Variants in EFCAB5 observed in about 807,000 individuals in gnomAD.
The protein encoded by EFCAB5 is EF-hand calcium-binding domain-containing protein 5.
Under a neutral mutation model 167.9 loss-of-function variants are expected in EFCAB5, and 131 were observed. The ratio of observed to expected loss-of-function variants is 0.78; its 90% CI spans 0.68 to 0.90. The LOEUF (loss-of-function observed/expected upper bound fraction) is 0.90. EFCAB5 is among the 40% of genes least tolerant of loss of function. EFCAB5 has a pLI of 0.00. For missense variants in EFCAB5, 1,663 were observed against 1,745.2 expected (o/e 0.95, Z 0.84); for synonymous variants, 574 against 602.8 (o/e 0.95, Z 0.70).
intron 4 of EFCAB5, among the ~76,000 whole-genome samples, chr17:29,974,689 AT>A (rs1011035449): frequency 6.6e-6 from 1 of 152,190 alleles, no homozygotes; most frequent in Non-Finnish European, 1.5e-5. Context: ...ATTTTGGAAA[AT>A]TTCATTACAT....
chr17:29,967,625 T>G (rs2067858023), intron 3 of EFCAB5, among the ~76,000 whole-genome samples: 1 of 152,204 alleles, frequency 6.6e-6, no homozygotes, highest in South Asian at 2.1e-4. Context: ...TCCTGACTCC[T>G]GAAGGCCCCC....
chr17:29,966,730 C>A (rs745858816), intron 3 of EFCAB5, among the ~76,000 whole-genome samples: 2 of 152,048 alleles, frequency 1.3e-5, no homozygotes, highest in African/African-American at 4.8e-5. Flanking sequence ...ATATGCAGTC[C>A]GCACTTAAAG....
intron 7 of EFCAB5, among the ~76,000 whole-genome samples, chr17:30,016,981 C>G (rs113737075): frequency 0.017 from 2,592 of 152,040 alleles, 76 homozygotes; most frequent in African/African-American, 0.058. Context: ...AGTTTGAGAC[C>G]AGCCTGGGCA....
chr17:29,935,978 A>G (rs760558849), intron 1 of EFCAB5, among the ~76,000 whole-genome samples: 3 of 152,184 alleles, frequency 2.0e-5, no homozygotes, highest in Non-Finnish European at 4.4e-5. Flanking sequence ...AAAAACTACT[A>G]CAAACTGGAT....
intron 18 of EFCAB5, among the ~76,000 whole-genome samples, chr17:30,084,807 CCAA>C (rs2071055725): frequency 6.6e-6 from 1 of 152,114 alleles, no homozygotes; most frequent in South Asian, 2.1e-4. Flanking sequence ...ATGACAGCTG[CCAA>C]CAGGACACTG....
intron 22 of EFCAB5, among the ~76,000 whole-genome samples, chr17:30,098,359 T>A (rs933748956): frequency 4.6e-5 from 7 of 151,156 alleles, no homozygotes; most frequent in Non-Finnish European, 1.0e-4. Context: ...ACCCTGTCTC[T>A]GCAAAAAACT....
intron 7 of EFCAB5, among the ~76,000 whole-genome samples, chr17:30,005,775 G>C (rs971597895): frequency 1.3e-5 from 2 of 152,096 alleles, no homozygotes; most frequent in Non-Finnish European, 2.9e-5. Context: ...TGACAAAACA[G>C]ACTCTTTTTG....
chr17:30,087,522 A>G (rs1181187417), intron 19 of EFCAB5, among the ~76,000 whole-genome samples: 1 of 152,060 alleles, frequency 6.6e-6, no homozygotes, highest in Non-Finnish European at 1.5e-5. Flanking sequence ...GCTCCCACTT[A>G]TAAGTGAGAA....
chr17:30,030,607 G>T (rs575797197), intron 7 of EFCAB5, among the ~76,000 whole-genome samples: 4 of 152,172 alleles, frequency 2.6e-5, no homozygotes, highest in Admixed American at 1.3e-4. Flanking sequence ...CCTCCCAAGT[G>T]CTGGGATTAC....
At position 29,997,330 on chromosome 17, in the gene EFCAB5, ATAGAG is replaced by A. The variant is rs528461013; in HGVS notation, c.973+974_973+978del. Among the ~76,000 whole-genome samples, 349 of 152,214 alleles carry A rather than the reference ATAGAG, an allele frequency of 2.3e-3. 1 individual carries two copies. The highest frequency in any genetic ancestry group is 8.2e-3 in the African/African-American group (342 of 41,548). On this transcript the variant is annotated intron_variant, in intron 6 of 22. Coordinates refer to ENST00000394835, the MANE Select transcript of EFCAB5 (RefSeq NM_198529.4). ...TGTTACGACTTCGCTAGAAGACGTA[ATAGAG>A]TAGTCAGACATTTCTACCTACTTAT...
At chr17:30,002,038 T>C (rs1463523384) in intron 7 of EFCAB5, among the ~76,000 whole-genome samples, 3 of 152,230 alleles carry the variant, frequency 2.0e-5, no homozygotes, top group Non-Finnish European at 4.4e-5. Context: ...ATTATATTCA[T>C]AGTGAGACAT....
chr17:30,046,854 A>G (rs1230419437), intron 8 of EFCAB5, among the ~76,000 whole-genome samples: 1 of 152,168 alleles, frequency 6.6e-6, no homozygotes, highest in African/African-American at 2.4e-5. Flanking sequence ...TTGCCTTTAA[A>G]TCCAAAATTG....
intron 22 of EFCAB5, among the ~76,000 whole-genome samples, chr17:30,103,663 A>C (rs761955880): frequency 2.6e-5 from 4 of 152,220 alleles, no homozygotes; most frequent in Non-Finnish European, 4.4e-5. Flanking sequence ...ATGACATATT[A>C]AATTCCTGAT....
chr17:30,017,694 T>A (rs11080111), intron 7 of EFCAB5, among the ~76,000 whole-genome samples: 1 of 152,070 alleles, frequency 6.6e-6, no homozygotes, highest in South Asian at 2.1e-4. Context: ...TTTTTAAAAC[T>A]ACATATTTTA....
chr17:30,070,334 TA>T (rs998259343), intron 14 of EFCAB5, among the ~76,000 whole-genome samples: 5 of 151,090 alleles, frequency 3.3e-5, no homozygotes, highest in African/African-American at 7.3e-5. Flanking sequence ...TTCATAGAAA[TA>T]AAAAAAAATT....
chr17:30,073,893 C>T (rs993977297), intron 14 of EFCAB5: 14 of 317,402 alleles, frequency 4.4e-5, no homozygotes, highest in Admixed American at 2.9e-4. Context: ...AAAACCATCT[C>T]TTAAAAAAAA....
chr17:30,000,902 C>T (rs2068648282), intron 7 of EFCAB5, among the ~76,000 whole-genome samples: 1 of 152,182 alleles, frequency 6.6e-6, no homozygotes, highest in Admixed American at 6.5e-5. Flanking sequence ...GAACCATCTC[C>T]TTACTAATTC....
chr17:30,004,929 C>G (rs752753166), intron 7 of EFCAB5, among the ~76,000 whole-genome samples: 9 of 150,116 alleles, frequency 6.0e-5, no homozygotes, highest in Non-Finnish European at 1.0e-4. Context: ...GCCACTGTGC[C>G]TGGCCTCTGT....
At chr17:29,987,686 TG>T (rs1419636933) in intron 4 of EFCAB5, among the ~76,000 whole-genome samples, 1 of 152,224 alleles carries the variant, frequency 6.6e-6, no homozygotes, top group Admixed American at 6.5e-5. Context: ...CACTATGGCT[TG>T]TCCTTGAGAA....
Sources: gnomAD v4.1 joint callset for allele counts (sites outside exome capture counted in the v4.1 genomes callset) on GRCh38, gnomAD v4.1.1 for gene constraint, MANE v1.5 for transcripts, NCBI Gene and HGNC (gene_info 2026-07-23, HGNC 2026-07-21) for gene names.